The following TMEM229B variants were observed in gnomAD, a reference collection of about 807,000 sequenced individuals.
TMEM229B encodes chromosome 14 open reading frame 83.
TMEM229B carries 6 observed loss-of-function variants against 13.7 expected under a neutral mutation model. The ratio of observed to expected loss-of-function variants is 0.44; its 90% CI spans 0.24 to 0.86. TMEM229B has a LOEUF of 0.86. Ranked by LOEUF, TMEM229B falls within the 40% of genes least tolerant of loss-of-function variation. The probability of loss-of-function intolerance (pLI) is 0.23; values close to 1 mark genes in which losing one functional copy is unlikely to be tolerated. For synonymous variants in TMEM229B, 107 were observed against 102.1 expected (o/e 1.05, Z -0.29); for missense variants, 170 against 236.0 (o/e 0.72, Z 1.83).
chr14:67,502,538 C>A (rs553300353), intron 1 of TMEM229B, among the ~76,000 whole-genome samples: 2 of 150,568 alleles, frequency 1.3e-5, no homozygotes, highest in Admixed American at 6.6e-5. Context: ...CTGCAACCTC[C>A]GCCTCCGAGA....
At chr14:67,524,283 T>G (rs370404907) in intron 1 of TMEM229B, among the ~76,000 whole-genome samples, 131 of 152,226 alleles carry the variant, frequency 8.6e-4, no homozygotes, top group African/African-American at 3.1e-3. Flanking sequence ...CAAACTCATG[T>G]TCTAGGAAGA....
chr14:67,523,791 C>T (rs1227837811), intron 1 of TMEM229B, among the ~76,000 whole-genome samples: 1 of 152,192 alleles, frequency 6.6e-6, no homozygotes, highest in African/African-American at 2.4e-5. Context: ...TCTTAGGTCC[C>T]TCAGCAAAGA....
At position 67,522,520 on chromosome 14, in the gene TMEM229B, C is replaced by T. The variant is rs145596870; in HGVS notation, c.-192+11116G>A. Among the ~76,000 whole-genome samples the T allele has an allele frequency of 3.5e-3, 537 of 152,282 alleles. 3 individuals carry two copies. Among genetic ancestry groups the T allele is most frequent in the Admixed American group, 5.6e-3 (86 of 15,294 alleles). ...CTAAGCCACTCTGCCTGGGGGGACA[C>T]TGTGTGCCTGTCCCAACTTCACTAT... On this transcript the variant is annotated intron_variant, in intron 1 of 2. Transcript: ENST00000554278.
chr14:67,509,380 A>G (rs1299776464), intron 1 of TMEM229B, among the ~76,000 whole-genome samples: 2 of 151,706 alleles, frequency 1.3e-5, no homozygotes, highest in African/African-American at 4.8e-5. Flanking sequence ...GTGCAATGGC[A>G]TGATCTCTGC....
chr14:67,475,343 A>G (rs1236745167), intron 2 of TMEM229B, among the ~76,000 whole-genome samples: 1 of 152,234 alleles, frequency 6.6e-6, no homozygotes, highest in Admixed American at 6.5e-5. Flanking sequence ...TAAGGCTGCT[A>G]TGAACACGGG....
At chr14:67,531,910 CAAAAAAAAAA>C (rs5809352) in intron 1 of TMEM229B, among the ~76,000 whole-genome samples, 10 of 79,574 alleles carry the variant, frequency 1.3e-4, no homozygotes, top group South Asian at 8.8e-4. Flanking sequence ...AACCTATGTC[CAAAAAAAAAA>C]AAAAAAAAAA....
At chr14:67,481,287 A>G (rs1437652524) in intron 2 of TMEM229B, among the ~76,000 whole-genome samples, 1 of 152,174 alleles carries the variant, frequency 6.6e-6, no homozygotes, top group African/African-American at 2.4e-5. Flanking sequence ...GTCTCTTAAA[A>G]AAGAAAGAAA....
intron 1 of TMEM229B, among the ~76,000 whole-genome samples, chr14:67,499,610 A>C (rs375099887): frequency 1.3e-5 from 2 of 152,236 alleles, no homozygotes; most frequent in African/African-American, 4.8e-5. Flanking sequence ...ATGAGTAAAC[A>C]GTATGTAAGA....
At chr14:67,519,190 G>T (rs1383898784), upstream of TMEM229B, among the ~76,000 whole-genome samples, 1 of 152,178 alleles carries the variant, frequency 6.6e-6, no homozygotes, top group Non-Finnish European at 1.5e-5. Context: ...AGGCTAAGGA[G>T]TGTAAACTCA....
At chr14:67,525,765 A>G (rs994474587) in intron 1 of TMEM229B, among the ~76,000 whole-genome samples, 1 of 152,354 alleles carries the variant, frequency 6.6e-6, no homozygotes, top group Non-Finnish European at 1.5e-5. Flanking sequence ...ATTTATTTCA[A>G]CATTAACAAT....
In TMEM229B at chr14:67,508,007, G is replaced by A. The variant is rs547751759; in HGVS notation, c.-192+7079C>T. 1.9e-3 allele frequency among the ~76,000 whole-genome samples: 293 copies of A among 152,112 alleles called. 2 individuals carry two copies. Among genetic ancestry groups the A allele is most frequent in the African/African-American group, 6.7e-3 (280 of 41,510 alleles). On this transcript the variant is annotated intron_variant, in intron 1 of 2. Transcript: ENST00000357461. ...TACAAAATTAGCCGGACGTGGGGGC[G>A]CATGCCTCTAATCCCAGCTACTCGG...
At chr14:67,496,329 G>GT (rs2032363685) in intron 1 of TMEM229B, among the ~76,000 whole-genome samples, 1 of 143,594 alleles carries the variant, frequency 7.0e-6, no homozygotes, top group Non-Finnish European at 1.5e-5. Context: ...CTGGGCTCAA[G>GT]TGATCCACCC....
At chr14:67,486,349 A>T (rs941150123) in intron 2 of TMEM229B, among the ~76,000 whole-genome samples, 4 of 152,244 alleles carry the variant, frequency 2.6e-5, no homozygotes, top group Admixed American at 1.3e-4. Flanking sequence ...ATCTTGGCTC[A>T]CTGCAACCTC....
At chr14:67,493,528 C>G (rs1052811771), upstream of TMEM229B, among the ~76,000 whole-genome samples, 4 of 152,184 alleles carry the variant, frequency 2.6e-5, no homozygotes, top group Admixed American at 6.5e-5. Flanking sequence ...GAGTAAATTG[C>G]CTTGCTGAGA....
In TMEM229B at chr14:67,473,656, T is replaced by C. The variant is rs991177468; in HGVS notation, c.268A>G (p.Thr90Ala). ...AACTGGCGCAGGATGAAGCCGGTGG[T>C]GAACTCCCACAGGTAGGTCCAGAGC... is the stretch of plus-strand genomic sequence containing the variant. ...YTLWTYLWEF[T>A]TGFILRQFNA... The change falls in exon 3 of 3, where the codon ACC (threonine) becomes GCC (alanine). Residue 90 changes from threonine to alanine, a missense_variant. Thr to Ala is a moderately conservative substitution (Grantham distance 58). Coordinates refer to ENST00000554480, the MANE Select transcript of TMEM229B (RefSeq NM_001348543.2). This position sits in a 1 kb window ranked among gnomAD's most constrained non-coding sequence, Gnocchi z 6.5. 3 of 1,580,088 alleles carry C rather than the reference T, an allele frequency of 1.9e-6. No individual in the cohort carries two copies. The highest frequency in any genetic ancestry group is 2.3e-5 in the South Asian group (2 of 87,100).
chr14:67,496,890 C>T (rs893309137), intron 1 of TMEM229B, among the ~76,000 whole-genome samples: 2 of 151,914 alleles, frequency 1.3e-5, no homozygotes, highest in Non-Finnish European at 2.9e-5. Flanking sequence ...CTCTGCCTCC[C>T]GGGTTCAAGT....
intron 2 of TMEM229B, among the ~76,000 whole-genome samples, chr14:67,476,764 A>G (rs1048984321): frequency 6.6e-6 from 1 of 151,996 alleles, no homozygotes; most frequent in Non-Finnish European, 1.5e-5. Flanking sequence ...CTACTGCAGA[A>G]CTCATCCCCT....
chr14:67,491,202 G>A (rs2032154419), upstream of TMEM229B, among the ~76,000 whole-genome samples: 1 of 152,218 alleles, frequency 6.6e-6, no homozygotes. Context: ...TTATCACAAA[G>A]GGTGCAGATG....
At chr14:67,474,089 T>A in intron 2 of TMEM229B, 148 bp from the exon 3 acceptor site, 1 of 899,598 alleles carries the variant, frequency 1.1e-6, no homozygotes, top group Non-Finnish European at 1.6e-6. Flanking sequence ...CCGTCTCTAC[T>A]AAAAATACAA....
Sources: allele counts gnomAD v4.1 joint callset (sites outside exome capture counted in the v4.1 genomes callset), GRCh38; gene constraint gnomAD v4.1.1; non-coding constraint Gnocchi (gnomAD v3.1); transcripts MANE v1.5; gene names NCBI Gene and HGNC (gene_info 2026-07-23, HGNC 2026-07-21).